Variants in IL18R1 observed in about 807,000 individuals in gnomAD.
IL18R1 encodes interleukin-18 receptor 1.
A neutral mutation model predicts 48.5 loss-of-function variants in IL18R1; 40 were observed. The observed-to-expected ratio is 0.82, with a 90% confidence interval of 0.64 to 1.07. The LOEUF (loss-of-function observed/expected upper bound fraction) is 1.07, where lower values mean the gene tolerates loss of function less well. Among genes scored for constraint, IL18R1 ranks in the 50% least tolerant of loss-of-function variants. IL18R1 has a pLI of 0.00. For synonymous variants in IL18R1, 232 were observed against 225.9 expected (o/e 1.03, Z -0.24); for missense variants, 596 against 633.7 (o/e 0.94, Z 0.64).
At chr2:102,376,937 T>G (rs1325879857) in intron 5 of IL18R1, among the ~76,000 whole-genome samples, 1 of 152,234 alleles carries the variant, frequency 6.6e-6, no homozygotes, top group Non-Finnish European at 1.5e-5. Context: ...TCTCGTAGCT[T>G]CCAACCACTG....
intron 2 of IL18R1, among the ~76,000 whole-genome samples, chr2:102,363,936 T>C (rs1438198913): frequency 1.3e-5 from 2 of 152,218 alleles, no homozygotes; most frequent in Non-Finnish European, 2.9e-5. Context: ...TTTTGGCACT[T>C]GGAACTCCAC....
chr2:102,377,491 T>A lies in IL18R1; in HGVS notation c.625+1428T>A, dbSNP rs181171545. On this transcript the variant is annotated intron_variant, in intron 5 of 10. Transcript: ENST00000233957. ...CACCACTCCCGGCTAATTTTTATATTTTTTTTAGTAGAGACGGGGTTTCAC... is the reference window on the plus strand; with the variant it reads ...CACCACTCCCGGCTAATTTTTATATATTTTTTAGTAGAGACGGGGTTTCAC... Among the ~76,000 whole-genome samples, 1,141 of 152,074 alleles carry A rather than the reference T, an allele frequency of 7.5e-3. 14 individuals carry two copies. The highest frequency in any genetic ancestry group is 0.027 in the African/African-American group (1,104 of 41,492).
At position 102,386,888 on chromosome 2, in the gene IL18R1, A is replaced by G. The variant is rs190444568; in HGVS notation, c.837A>G (p.Ser279=). Residue 279 remains serine (S), a synonymous_variant, in exon 8 of 11, where the codon TCA becomes TCG. Coordinates refer to ENST00000233957, the MANE Select transcript of IL18R1 (RefSeq NM_003855.5). The part of the protein sequence containing the change: ...IMTPEGKWHA[S]KVLRIENIGE... ...CTCCAGAAGGCAAATGGCATGCTTC[A>G]AAAGTATTGAGAATTGAAAATATTG... 2.4e-5 allele frequency: 38 copies of G among 1,614,212 alleles called. No homozygotes were observed. In the East Asian group the frequency reaches 7.8e-4, roughly 33 times the overall value.
chr2:102,358,781 A>G (rs1559614852), intron 1 of IL18R1, among the ~76,000 whole-genome samples: 1 of 152,202 alleles, frequency 6.6e-6, no homozygotes. Flanking sequence ...GCTAAAACAT[A>G]CTTTCCAAGA....
rs1680939764 is a variant in IL18R1 at position 102,398,658 on chromosome 2, T to C, written c.*1772T>C. 6.6e-6 allele frequency: 1 copy of C among 152,374 alleles called. No homozygotes were observed. Among genetic ancestry groups the C allele is most frequent in the African/African-American group, 2.4e-5 (1 of 41,478 alleles). The allele number at this position is 152,374 out of a possible 1,614,324, so 9.4% of individuals were successfully genotyped here. ...CTTTTCTCTTTTATTATACTTGCTT[T>C]AAAATACTTGAAATATATTTTGCAT... On this transcript the variant is annotated 3_prime_UTR_variant, in exon 11 of 11. Transcript: ENST00000233957.
chr2:102,392,250 T>C (rs12712145), intron 9 of IL18R1, among the ~76,000 whole-genome samples: 117,264 of 151,912 alleles, frequency 0.77, 46,241 homozygotes, highest in African/African-American at 0.89. Flanking sequence ...TGCATGTGCA[T>C]GTGCGAGTTT....
chr2:102,394,496 C>G lies in IL18R1; in HGVS notation c.1139C>G (p.Ser380Cys), dbSNP rs141625347. The change falls in exon 10 of 11, where the codon TCT becomes TGT. Residue 380 changes from serine (S) to cysteine (C), a missense_variant. Around this residue, in one of 3 missense-constraint regions of IL18R1, gnomAD observed 179 missense variants for 206.1 expected, o/e 0.87. Coordinates refer to ENST00000233957, the MANE Select transcript of IL18R1 (RefSeq NM_003855.5). The stretch of plus-strand genomic sequence containing the variant: ...GGAAAAACATATGATGCTTTTGTGT[C>G]TTACCTAAAAGAATGCCGACCTGAA... The part of the protein sequence containing the change: ...TDGKTYDAFV[S>C]YLKECRPENG... 1.9e-6 allele frequency: 3 copies of G among 1,612,778 alleles called. No individual in the cohort carries two copies. The highest frequency in any genetic ancestry group is 1.3e-5 in the African/African-American group (1 of 74,974).
Position 102,362,793 on chromosome 2 carries a change from T to A in IL18R1, c.58+75T>A, listed in dbSNP as rs962695375. ...GAATGTCAAAGTTTTTTTTTTTATG[T>A]GGTGGCTACTGAAGATGCTGAATTT... On this transcript the variant is annotated intron_variant, in intron 2 of 10. Transcript: ENST00000233957. 4 of 838,492 alleles carry A rather than the reference T, an allele frequency of 4.8e-6. No individual in the cohort carries two copies. In the Admixed American group the frequency reaches 7.2e-5, roughly 15 times the overall value. The allele number at this position is 838,492 out of a possible 1,614,324, so 51.9% of individuals were successfully genotyped here. A position where few individuals can be genotyped will look rare whatever the true frequency, so the allele number is the denominator to read the frequency against.
chr2:102,370,147 A>G (rs1431471099), intron 3 of IL18R1, among the ~76,000 whole-genome samples: 1 of 152,130 alleles, frequency 6.6e-6, no homozygotes, highest in Non-Finnish European at 1.5e-5. Flanking sequence ...AGTTGGCCTC[A>G]GTGTTAACCC....
intron 9 of IL18R1, among the ~76,000 whole-genome samples, chr2:102,392,945 A>T (rs1680629263): frequency 6.6e-6 from 1 of 152,182 alleles, no homozygotes; most frequent in African/African-American, 2.4e-5. Context: ...ATTGTAATAA[A>T]ATTAGCATAT....
intron 5 of IL18R1, among the ~76,000 whole-genome samples, chr2:102,380,952 G>A (rs1679884735): frequency 6.6e-6 from 1 of 152,220 alleles, no homozygotes; most frequent in Non-Finnish European, 1.5e-5. Flanking sequence ...GTTTGCAGTT[G>A]CCAGCTGCCT....
chr2:102,378,485 C>T (rs530827520), intron 5 of IL18R1, among the ~76,000 whole-genome samples: 1 of 152,352 alleles, frequency 6.6e-6, no homozygotes, highest in African/African-American at 2.4e-5. Context: ...ATTCTTCTCC[C>T]ATAATTGTCC....
chr2:102,371,848 T>C, intron 3 of IL18R1, 105 bp from the exon 4 acceptor site: 1 of 678,690 alleles, frequency 1.5e-6, no homozygotes, highest in Non-Finnish European at 2.4e-6. Flanking sequence ...ATCTCTTTAA[T>C]AAAAATAAAG....
chr2:102,379,198 C>T (rs984650260), intron 5 of IL18R1, among the ~76,000 whole-genome samples: 3 of 152,150 alleles, frequency 2.0e-5, no homozygotes, highest in South Asian at 2.1e-4. Flanking sequence ...AATCCTAGCA[C>T]TTTGGGAGGC....
intron 5 of IL18R1, among the ~76,000 whole-genome samples, chr2:102,376,551 G>A (rs1208009980): frequency 1.3e-5 from 2 of 152,316 alleles, no homozygotes; most frequent in South Asian, 2.1e-4. Context: ...CAAGAGTGCA[G>A]GGGGAGGTTG....
chr2:102,380,657 T>A (rs1024498982), intron 5 of IL18R1, among the ~76,000 whole-genome samples: 1 of 152,148 alleles, frequency 6.6e-6, no homozygotes, highest in African/African-American at 2.4e-5. Flanking sequence ...CATTCTCAAC[T>A]GCTCACTCTG....
At position 102,371,950 on chromosome 2, in the gene IL18R1, T is replaced by C. The variant is rs1435472984; in HGVS notation, c.303-3T>C. The stretch of plus-strand genomic sequence containing the variant: ...AAAATACCTTTACACTTTTATTCCA[T>C]AGAAATTATACTCAGAAATGGAAAT... On this transcript the variant is annotated splice_region_variant and splice_polypyrimidine_tract_variant and intron_variant, in intron 3 of 10. Coordinates refer to ENST00000233957, the MANE Select transcript of IL18R1 (RefSeq NM_003855.5). 2 of 1,502,088 alleles carry C rather than the reference T, an allele frequency of 1.3e-6. No individual in the cohort carries two copies. Among genetic ancestry groups the C allele is most frequent in the East Asian group, 2.3e-5 (1 of 43,664 alleles). The allele number at this position is 1,502,088 out of a possible 1,614,324, so 93.0% of individuals were successfully genotyped here. A position where few individuals can be genotyped will look rare whatever the true frequency, so the allele number is the denominator to read the frequency against.
intron 5 of IL18R1, among the ~76,000 whole-genome samples, chr2:102,377,014 C>T (rs1573207864): frequency 6.6e-6 from 1 of 152,302 alleles, no homozygotes; most frequent in East Asian, 1.9e-4. Context: ...CAGCTCCTTT[C>T]GTGATTTGAA....
rs397872910 is a variant in IL18R1 at position 102,356,207 on chromosome 2, C to CTTT, written c.-209_-207dup. 404 of 177,850 alleles carry CTTT rather than the reference C, an allele frequency of 2.3e-3. 1 individual carries two copies. Among genetic ancestry groups the CTTT allele is most frequent in the African/African-American group, 7.8e-3 (305 of 39,294 alleles). The allele number at this position is 177,850 out of a possible 1,614,324, so 11.0% of individuals were successfully genotyped here. A position where few individuals can be genotyped will look rare whatever the true frequency, so the allele number is the denominator to read the frequency against. ...GTTCCTACTTTTTTTCCTTCTTCTTCTTTTTTTTTTTTTTTGTAGCCCTCT... is the reference window on the plus strand; with the variant it reads ...GTTCCTACTTTTTTTCCTTCTTCTTCTTTTTTTTTTTTTTTTTTGTAGCCCTCT... On this transcript the variant is annotated 5_prime_UTR_variant, in exon 1 of 11. Transcript: ENST00000233957.
Sources: gnomAD v4.1 joint callset for allele counts (sites outside exome capture counted in the v4.1 genomes callset) on GRCh38, gnomAD v4.1.1 for gene constraint, gnomAD v4.1.1 regional missense constraint, MANE v1.5 for transcripts, NCBI Gene and HGNC (gene_info 2026-07-23, HGNC 2026-07-21) for gene names.